ZNF346: variants seen among roughly 807,000 people sequenced by gnomAD.
ZNF346 encodes double-stranded RNA-binding zinc finger protein JAZ.
ZNF346 carries 23 observed loss-of-function variants against 33.7 expected under a neutral mutation model. The ratio of observed to expected loss-of-function variants is 0.68; its 90% CI spans 0.49 to 0.97. The LOEUF is 0.97. Among genes scored for constraint, ZNF346 ranks in the 50% least tolerant of loss-of-function variants. The probability of loss-of-function intolerance (pLI) is 0.00; values close to 1 mark genes in which losing one functional copy is unlikely to be tolerated. For synonymous variants in ZNF346, 134 were observed against 142.4 expected (o/e 0.94, Z 0.42); for missense variants, 340 against 371.1 (o/e 0.92, Z 0.69).
intron 1 of ZNF346, among the ~76,000 whole-genome samples, chr5:177,031,303 G>A (rs1419461530): frequency 2.0e-5 from 3 of 152,216 alleles, no homozygotes; most frequent in Non-Finnish European, 4.4e-5. Flanking sequence ...AAAGTGCTGG[G>A]ATTACAGGCA....
At chr5:177,031,059 A>C (rs932809512) in intron 1 of ZNF346, among the ~76,000 whole-genome samples, 4 of 151,844 alleles carry the variant, frequency 2.6e-5, no homozygotes, top group Non-Finnish European at 4.4e-5. Flanking sequence ...GTTTTGAGAC[A>C]GAGTCTCGCT....
rs1006536472 is a variant in ZNF346, at chr5:177,077,324, C to A, written c.*3-2058C>A. On this transcript the variant is annotated intron_variant, in intron 8 of 8. Coordinates refer to the ZNF346 transcript ENST00000503039. This position sits in a 1 kb window ranked among gnomAD's most constrained non-coding sequence, Gnocchi z 5.0. ...AGTGGAGACACAAAGGAAGGGTGTT[C>A]TACTGAGAAGGAGCCTTTTATTTAT... Among the ~76,000 whole-genome samples, 4 of 152,104 alleles carry A rather than the reference C, an allele frequency of 2.6e-5. No homozygotes were observed. The highest frequency in any genetic ancestry group is 9.7e-5 in the African/African-American group (4 of 41,422).
At chr5:177,073,375 C>T (rs1339527559) in intron 8 of ZNF346, among the ~76,000 whole-genome samples, 1 of 152,210 alleles carries the variant, frequency 6.6e-6, no homozygotes, top group African/African-American at 2.4e-5. Context: ...GCAAACACAG[C>T]TCATTGCAGC....
chr5:177,028,381 C>A (rs1250265598), intron 1 of ZNF346, among the ~76,000 whole-genome samples: 1 of 150,208 alleles, frequency 6.7e-6, no homozygotes, highest in African/African-American at 2.5e-5. Context: ...TTTTCTTGAT[C>A]TTTTCTAGTT....
At chr5:177,039,476 G>C (rs1351707916) in intron 1 of ZNF346, among the ~76,000 whole-genome samples, 2 of 151,408 alleles carry the variant, frequency 1.3e-5, no homozygotes, top group African/African-American at 4.8e-5. Context: ...TTAAGACAGG[G>C]GCTTGCTCTG....
At chr5:177,059,243 G>A (rs1782159309) in intron 5 of ZNF346, among the ~76,000 whole-genome samples, 1 of 152,172 alleles carries the variant, frequency 6.6e-6, no homozygotes, top group African/African-American at 2.4e-5. Flanking sequence ...TTTTACAGAT[G>A]AGGATATTAA....
At chr5:177,041,996 A>G (rs770324576) in intron 3 of ZNF346, 126 bp downstream of exon 3, 3 of 571,482 alleles carry the variant, frequency 5.2e-6, no homozygotes, top group East Asian at 2.8e-5. Flanking sequence ...GGGCAAGTCT[A>G]TTACTTCACA....
At chr5:177,059,840 TTC>T (rs1357227411) in intron 5 of ZNF346, among the ~76,000 whole-genome samples, 1 of 152,224 alleles carries the variant, frequency 6.6e-6, no homozygotes, top group African/African-American at 2.4e-5. Flanking sequence ...ATTGTCTGTG[TTC>T]TTATGGAGCT....
intron 5 of ZNF346, among the ~76,000 whole-genome samples, chr5:177,056,249 G>T (rs898582588): frequency 2.0e-5 from 3 of 151,922 alleles, no homozygotes; most frequent in African/African-American, 7.3e-5. Context: ...AATCTAAAAA[G>T]AATCTAAAAA....
At position 177,051,021 on chromosome 5, in the gene ZNF346, C is replaced by T. The variant is rs955823177; in HGVS notation, c.703+85C>T. The T allele has an allele frequency of 7.4e-6, 8 of 1,074,898 alleles. 1 individual carries two copies. The Admixed American group carries it at 1.5e-4, about 21-fold the overall frequency. 66.6% of individuals were successfully genotyped at this position (1,074,898 alleles called of 1,614,324 possible). ...GACCAGCTGACGTTGTGCTTTTCCT[C>T]CTTAGGTCTTGTAAGTAGGGTTTGC... On this transcript the variant is annotated intron_variant, in intron 5 of 6. Transcript: ENST00000358149.
chr5:177,063,088 T>C (rs1435003754), intron 6 of ZNF346, among the ~76,000 whole-genome samples: 5 of 150,310 alleles, frequency 3.3e-5, no homozygotes, highest in Non-Finnish European at 7.4e-5. Context: ...TTAGTAGAGA[T>C]GGGGTTTCAC....
chr5:177,068,574 A>G (rs893558036), downstream of ZNF346, among the ~76,000 whole-genome samples: 2 of 143,802 alleles, frequency 1.4e-5, no homozygotes, highest in Non-Finnish European at 1.5e-5. Flanking sequence ...ACTAGTTCCA[A>G]CAAAATATCT....
intron 4 of ZNF346, among the ~76,000 whole-genome samples, chr5:177,050,119 G>T (rs1432331595): frequency 6.6e-6 from 1 of 152,218 alleles, no homozygotes; most frequent in African/African-American, 2.4e-5. Flanking sequence ...ACAGATGTGA[G>T]CAAAACGCAT....
rs1783814871 is a variant in ZNF346, at chr5:177,077,632, A to G, written c.*3-1750A>G. Reference sequence around the variant, plus strand: ...TCCCATGGTCACATGCTCATCTCTGACTTAATCACAATGGCCTGGGAGATG... The same window carrying G: ...TCCCATGGTCACATGCTCATCTCTGGCTTAATCACAATGGCCTGGGAGATG... On this transcript the variant is annotated intron_variant, in intron 8 of 8. Coordinates refer to the ZNF346 transcript ENST00000503039. This position sits in a 1 kb window ranked among gnomAD's most constrained non-coding sequence, Gnocchi z 5.0. 6.6e-6 allele frequency among the ~76,000 whole-genome samples: 1 copy of G among 152,070 alleles called. No individual in the cohort carries two copies. The highest frequency in any genetic ancestry group is 2.1e-4 in the South Asian group (1 of 4,826).
chr5:177,043,409 T>C (rs1293990568), intron 3 of ZNF346, among the ~76,000 whole-genome samples: 1 of 152,114 alleles, frequency 6.6e-6, no homozygotes, highest in Admixed American at 6.6e-5. Context: ...AGAGAGATGC[T>C]GGGATCCCTT....
chr5:177,035,882 G>A (rs1024335475), intron 1 of ZNF346, among the ~76,000 whole-genome samples: 41 of 151,482 alleles, frequency 2.7e-4, no homozygotes, highest in African/African-American at 9.0e-4. Flanking sequence ...CTCGTGATCC[G>A]CCCGCCTCTG....
chr5:177,047,885 C>T (rs571681042), intron 4 of ZNF346, among the ~76,000 whole-genome samples: 2 of 152,118 alleles, frequency 1.3e-5, no homozygotes, highest in African/African-American at 2.4e-5. Context: ...GTGATTCACC[C>T]GCTTCTGCCT....
intron 5 of ZNF346, chr5:177,051,918 C>G (rs527438199): frequency 6.6e-6 from 1 of 152,190 alleles, no homozygotes; most frequent in Admixed American, 6.5e-5. Flanking sequence ...AATCCAAACA[C>G]TTTGGGATGC....
chr5:177,052,969 C>G (rs920947450), intron 5 of ZNF346: 1 of 151,980 alleles, frequency 6.6e-6, no homozygotes, highest in Non-Finnish European at 1.5e-5. Context: ...TTGCAGGATC[C>G]ATTCACCACT....
Sources: allele counts gnomAD v4.1 joint callset (sites outside exome capture counted in the v4.1 genomes callset), GRCh38; gene constraint gnomAD v4.1.1; non-coding constraint Gnocchi (gnomAD v3.1); transcripts MANE v1.5; gene names NCBI Gene and HGNC (gene_info 2026-07-23, HGNC 2026-07-21).